The following EIF3L variants were observed in gnomAD, a reference collection of about 807,000 sequenced individuals.
EIF3L encodes the protein eIEF associated protein HSPC021.
In EIF3L, 32 loss-of-function variants were observed where a neutral mutation model predicts 74.6. The ratio of observed to expected loss-of-function variants is 0.43; its 90% CI spans 0.32 to 0.58. EIF3L has a LOEUF of 0.58. Ranked by LOEUF, EIF3L falls within the 20% of genes least tolerant of loss-of-function variation. EIF3L has a pLI of 0.06. For synonymous variants in EIF3L, 256 were observed against 254.4 expected, an observed-to-expected ratio of 1.01 and a Z score of -0.06; for missense variants, 474 against 707.8, an observed-to-expected ratio of 0.67 and a Z score of 3.75.
At chr22:37,876,069 C>A (rs1926731913) in intron 10 of EIF3L, 58 bp downstream of exon 10, 1 of 1,546,132 alleles carries the variant, frequency 6.5e-7, no homozygotes, top group Middle Eastern at 1.7e-4. Flanking sequence ...TCCTTGGCAC[C>A]TATGCCAACC....
intron 5 of EIF3L, among the ~76,000 whole-genome samples, chr22:37,859,967 G>A (rs1444480060): frequency 2.0e-5 from 3 of 152,012 alleles, no homozygotes; most frequent in Non-Finnish European, 2.9e-5. Context: ...AGCCGAGATC[G>A]TACCACTGCA....
intron 10 of EIF3L, chr22:37,876,220 C>G (rs1484744552): frequency 1.9e-6 from 1 of 521,882 alleles, no homozygotes; most frequent in African/African-American, 1.9e-5. Flanking sequence ...GCCTCAACCT[C>G]CTGGGATCAG....
At chr22:37,867,908 T>G (rs1425927150) in intron 7 of EIF3L, among the ~76,000 whole-genome samples, 1 of 147,442 alleles carries the variant, frequency 6.8e-6, no homozygotes, top group Non-Finnish European at 1.5e-5. Context: ...AGAGCCGAGA[T>G]TGCACCACTG....
intron 7 of EIF3L, among the ~76,000 whole-genome samples, chr22:37,868,885 G>C (rs146945861): frequency 6.6e-6 from 1 of 150,946 alleles, no homozygotes; most frequent in Non-Finnish European, 1.5e-5. Flanking sequence ...CAGGTAATCC[G>C]CCTGCATCGG....
At position 37,859,370 on chromosome 22, in the gene EIF3L, G is replaced by GTTTTTTTTT. The variant is rs1437551077; in HGVS notation, c.435+633_435+634insTTTTTTTTT. 1.8e-3 allele frequency among the ~76,000 whole-genome samples: 130 copies of GTTTTTTTTT among 72,612 alleles called. 1 individual carries two copies. The highest frequency in any genetic ancestry group is 3.7e-3 in the African/African-American group (47 of 12,714). The allele number at this position is 72,612 out of a possible 152,430, so 47.6% of individuals were successfully genotyped here. ...ACTTCTAAATTATAGAGTACGTGAA[G>GTTTTTTTTT]TTTCTTTTTTTTTTTTTTTTTTTTT... On this transcript the variant is annotated intron_variant, in intron 5 of 12. Coordinates refer to ENST00000652021, the MANE Select transcript of EIF3L (RefSeq NM_016091.4).
At chr22:37,863,803 C>T (rs937620817) in intron 7 of EIF3L, among the ~76,000 whole-genome samples, 4 of 151,920 alleles carry the variant, frequency 2.6e-5, no homozygotes, top group South Asian at 2.1e-4. Context: ...CGGTGACTCA[C>T]GCCTGTAATC....
intron 3 of EIF3L, 71 bp from the exon 4 acceptor site, chr22:37,855,494 A>G (rs1490041243): frequency 1.4e-6 from 2 of 1,406,980 alleles, no homozygotes; most frequent in East Asian, 2.3e-5. Context: ...CTGGGTCCTC[A>G]TCTGTAAAAT....
chr22:37,868,731 C>T (rs912214444), intron 7 of EIF3L, among the ~76,000 whole-genome samples: 2 of 146,140 alleles, frequency 1.4e-5, no homozygotes, highest in Non-Finnish European at 1.5e-5. Flanking sequence ...CAACCTCTGC[C>T]TCCCAGGTTC....
At chr22:37,870,374 G>C (rs1195045497) in intron 8 of EIF3L, 27 bp downstream of exon 8, 1 of 1,559,946 alleles carries the variant, frequency 6.4e-7, no homozygotes, top group Non-Finnish European at 8.7e-7. Flanking sequence ...GACAGCCGTG[G>C]CCTGCGAATT....
intron 11 of EIF3L, chr22:37,884,939 C>T (rs1927243503): frequency 1.0e-5 from 1 of 99,262 alleles, no homozygotes; most frequent in Non-Finnish European, 1.8e-5. Flanking sequence ...TTTAAGATAG[C>T]ATCTTAATCC....
At chr22:37,868,209 T>C (rs1053292526) in intron 7 of EIF3L, among the ~76,000 whole-genome samples, 4 of 148,194 alleles carry the variant, frequency 2.7e-5, no homozygotes, top group Non-Finnish European at 6.0e-5. Context: ...CCACCTCCTG[T>C]GTTCAAGCGA....
chr22:37,851,305 T>C lies in EIF3L; in HGVS notation c.108T>C (p.Tyr36=), dbSNP rs758183616. 2 of 1,614,038 alleles carry C rather than the reference T, an allele frequency of 1.2e-6. No homozygotes were observed. The highest frequency in any genetic ancestry group is 1.3e-5 in the African/African-American group (1 of 74,940). Residue 36 remains tyrosine, a synonymous_variant, in exon 3 of 13, where the codon TAT becomes TAC. Transcript: ENST00000652021. ...HTGDPKQDLA[Y]ERQYEQQTYQ... ...GAGATCCAAAGCAGGACCTTGCTTA[T>C]GAACGTCAGTATGAACAGCAAACCT... is the stretch of plus-strand genomic sequence containing the variant.
At chr22:37,858,874 A>G in intron 5 of EIF3L, 134 bp downstream of exon 5, 1 of 797,544 alleles carries the variant, frequency 1.3e-6, no homozygotes. Flanking sequence ...TTGAGTTTTA[A>G]GAAGCGGTGG....
intron 8 of EIF3L, among the ~76,000 whole-genome samples, chr22:37,871,844 T>A (rs533689864): frequency 6.9e-6 from 1 of 144,644 alleles, no homozygotes; most frequent in African/African-American, 2.6e-5. Context: ...ACTACAGTCT[T>A]AGTGACAGAG....
At chr22:37,886,712 T>C in intron 11 of EIF3L, 53 bp from the exon 12 acceptor site, 1 of 1,529,454 alleles carries the variant, frequency 6.5e-7, no homozygotes, top group Non-Finnish European at 9.0e-7. Flanking sequence ...CTGGGTTAGA[T>C]GGCCCTGCTC....
In EIF3L at chr22:37,855,600, C is replaced by T. The variant is rs1256536218; in HGVS notation, c.329C>T (p.Thr110Ile). 2 of 1,614,046 alleles carry T rather than the reference C, an allele frequency of 1.2e-6. No individual in the cohort carries two copies. The highest frequency in any genetic ancestry group is 1.3e-5 in the African/African-American group (1 of 74,932). Residue 110 changes from threonine to isoleucine, a missense_variant, in exon 4 of 13, where the codon ACA (threonine) becomes ATA (isoleucine). Thr to Ile is a moderately conservative substitution (Grantham distance 89). Around this residue, in one of 4 missense-constraint regions of EIF3L, gnomAD observed 141 missense variants for 197.7 expected, o/e 0.71. Coordinates refer to ENST00000652021, the MANE Select transcript of EIF3L (RefSeq NM_016091.4). Reference sequence around the variant, plus strand: ...CTGACTGAAAGATTCTTCAAGAATACACCTTGGCCCGAGGCTGAAGCCATT... The same window carrying T: ...CTGACTGAAAGATTCTTCAAGAATATACCTTGGCCCGAGGCTGAAGCCATT... ...TKLTERFFKN[T>I]PWPEAEAIAP... is the part of the protein sequence containing the mutation.
chr22:37,857,538 C>CT (rs997108410), intron 4 of EIF3L, among the ~76,000 whole-genome samples: 81 of 148,256 alleles, frequency 5.5e-4, no homozygotes, highest in Non-Finnish European at 1.0e-3. Flanking sequence ...CACTTAACTC[C>CT]TTTTTTTTTT....
At chr22:37,860,555 T>C (rs1925802737) in intron 5 of EIF3L, among the ~76,000 whole-genome samples, 1 of 152,168 alleles carries the variant, frequency 6.6e-6, no homozygotes, top group Admixed American at 6.6e-5. Context: ...GTATTTTTAG[T>C]AGAGACAGGG....
chr22:37,866,458 T>G (rs1261087022), intron 7 of EIF3L, among the ~76,000 whole-genome samples: 1 of 152,150 alleles, frequency 6.6e-6, no homozygotes, highest in Non-Finnish European at 1.5e-5. Context: ...GCTTTTTAAG[T>G]TTTTTTAAAT....
Sources: gnomAD v4.1 joint callset for allele counts (sites outside exome capture counted in the v4.1 genomes callset) on GRCh38, gnomAD v4.1.1 for gene constraint, gnomAD v4.1.1 regional missense constraint, MANE v1.5 for transcripts, NCBI Gene and HGNC (gene_info 2026-07-23, HGNC 2026-07-21) for gene names.